Variants in PSTPIP2 observed in about 807,000 individuals in gnomAD.
PSTPIP2 encodes proline-serine-threonine phosphatase-interacting protein 2.
PSTPIP2 carries 33 observed loss-of-function variants against 63.3 expected under a neutral mutation model. The observed-to-expected ratio is 0.52, with a 90% CI of 0.40 to 0.70. The LOEUF (loss-of-function observed/expected upper bound fraction) is 0.70. Among genes scored for constraint, PSTPIP2 ranks in the 30% least tolerant of loss-of-function variants. The probability of loss-of-function intolerance (pLI) is 0.00; values close to 1 mark genes in which losing one functional copy is unlikely to be tolerated. For missense variants in PSTPIP2, 312 were observed against 400.7 expected (o/e 0.78, Z 1.89); for synonymous variants, 125 against 132.7 (o/e 0.94, Z 0.40).
At chr18:45,988,292 G>GGTTGTGGT (rs1555685988) in intron 14 of PSTPIP2, among the ~76,000 whole-genome samples, 4 of 112,498 alleles carry the variant, frequency 3.6e-5, no homozygotes, top group African/African-American at 9.9e-5. Context: ...AATATTAGCT[G>GGTTGTGGT]GGTGTGGTGG....
chr18:46,000,593 C>G (rs2144070404), intron 6 of PSTPIP2, among the ~76,000 whole-genome samples: 1 of 152,330 alleles, frequency 6.6e-6, no homozygotes, highest in East Asian at 1.9e-4. Flanking sequence ...GTCTCGAACT[C>G]CTGACCTCAG....
chr18:46,030,264 T>C (rs1283937427), intron 2 of PSTPIP2, among the ~76,000 whole-genome samples: 2 of 152,212 alleles, frequency 1.3e-5, no homozygotes, highest in South Asian at 2.1e-4. Flanking sequence ...TCTCAGAAAC[T>C]TTCCTGAATG....
chr18:46,057,119 C>T (rs1599746402), intron 1 of PSTPIP2, among the ~76,000 whole-genome samples: 2 of 151,810 alleles, frequency 1.3e-5, no homozygotes, highest in Non-Finnish European at 2.9e-5. Context: ...AAAAAAACTA[C>T]TGAGGGTTTT....
At position 45,985,436 on chromosome 18, in the gene PSTPIP2, A is replaced by G; in HGVS notation, c.*23T>C. On this transcript the variant is annotated 3_prime_UTR_variant, in exon 15 of 15. Coordinates refer to ENST00000409746, the MANE Select transcript of PSTPIP2 (RefSeq NM_024430.4). ...TCCATATCACAGAAGCACTAGCCGG[A>G]AAAAGCTCTGGTTTCTGAAAGAAAA... is the stretch of plus-strand genomic sequence containing the variant. The G allele has an allele frequency of 6.2e-7, 1 of 1,613,480 alleles. No individual in the cohort carries two copies. The highest frequency in any genetic ancestry group is 8.5e-7 in the Non-Finnish European group (1 of 1,179,804).
chr18:46,035,335 G>T (rs1467398147), intron 2 of PSTPIP2, among the ~76,000 whole-genome samples: 1 of 151,374 alleles, frequency 6.6e-6, no homozygotes, highest in Non-Finnish European at 1.5e-5. Context: ...TGTGAGAATT[G>T]TCTGAACCCG....
At chr18:45,997,348 C>T (rs1294568604) in intron 9 of PSTPIP2, among the ~76,000 whole-genome samples, 1 of 151,912 alleles carries the variant, frequency 6.6e-6, no homozygotes, top group Non-Finnish European at 1.5e-5. Flanking sequence ...GCCACCACAC[C>T]CGGCTAATTT....
At chr18:45,992,648 A>G (rs1018133428) in intron 10 of PSTPIP2, among the ~76,000 whole-genome samples, 1 of 152,072 alleles carries the variant, frequency 6.6e-6, no homozygotes. Flanking sequence ...AAAAAAGAAC[A>G]CATTCCAAAG....
At chr18:46,034,149 TG>T (rs1390202913) in intron 2 of PSTPIP2, among the ~76,000 whole-genome samples, 1 of 152,062 alleles carries the variant, frequency 6.6e-6, no homozygotes, top group Admixed American at 6.6e-5. Context: ...AGGTTGACCA[TG>T]GGACGTACAG....
At chr18:46,035,144 G>A (rs558480431) in intron 2 of PSTPIP2, among the ~76,000 whole-genome samples, 1 of 152,148 alleles carries the variant, frequency 6.6e-6, no homozygotes, top group Non-Finnish European at 1.5e-5. Flanking sequence ...AAATAAGGTC[G>A]GGCATGGTGG....
intron 2 of PSTPIP2, among the ~76,000 whole-genome samples, chr18:46,034,111 G>A (rs1907882017): frequency 6.6e-6 from 1 of 152,158 alleles, no homozygotes; most frequent in South Asian, 2.1e-4. Context: ...CACAGTGAGG[G>A]TCCCGGAAAC....
intron 1 of PSTPIP2, among the ~76,000 whole-genome samples, chr18:46,044,492 T>C (rs1247119066): frequency 6.6e-6 from 1 of 152,182 alleles, no homozygotes; most frequent in Non-Finnish European, 1.5e-5. Flanking sequence ...CCTTACACCT[T>C]ATACAAAAAT....
At chr18:45,997,721 G>T in intron 9 of PSTPIP2, 28 bp downstream of exon 9, 6 of 239,168 alleles carry the variant, frequency 2.5e-5, no homozygotes, top group Non-Finnish European at 3.8e-5. Context: ...ACCCACCCCA[G>T]TCCTGAGCAG....
At chr18:46,065,246 C>T (rs1252296906) in intron 1 of PSTPIP2, among the ~76,000 whole-genome samples, 1 of 150,212 alleles carries the variant, frequency 6.7e-6, no homozygotes, top group Non-Finnish European at 1.5e-5. Context: ...CAAAACTTTT[C>T]TAAATAATTG....
intron 1 of PSTPIP2, among the ~76,000 whole-genome samples, chr18:46,062,721 T>G (rs1909035316): frequency 6.6e-6 from 1 of 152,048 alleles, no homozygotes; most frequent in Non-Finnish European, 1.5e-5. Flanking sequence ...TTCACCGTGT[T>G]AGCCAGGAAG....
At chr18:46,071,140 C>T (rs1182801206) in intron 1 of PSTPIP2, among the ~76,000 whole-genome samples, 1 of 152,098 alleles carries the variant, frequency 6.6e-6, no homozygotes, top group African/African-American at 2.4e-5. Flanking sequence ...TCAACTGTGT[C>T]CCTGAGGTCC....
chr18:46,063,778 C>A (rs930344227), intron 1 of PSTPIP2, among the ~76,000 whole-genome samples: 1 of 151,998 alleles, frequency 6.6e-6, no homozygotes, highest in African/African-American at 2.4e-5. Context: ...GTGATAAAAA[C>A]GCAAATGAAA....
intron 11 of PSTPIP2, 40 bp downstream of exon 11, chr18:45,992,066 A>C: frequency 6.3e-7 from 1 of 1,595,160 alleles, no homozygotes; most frequent in Non-Finnish European, 8.6e-7. Context: ...GGCTAATAGA[A>C]TTGTGTAAAT....
intron 3 of PSTPIP2, chr18:46,016,350 C>T (rs1209219024): frequency 1.2e-5 from 2 of 165,890 alleles, no homozygotes; most frequent in Admixed American, 5.8e-5. Flanking sequence ...CGCAACAGAG[C>T]AAAACTCCAT....
chr18:46,004,858 G>A (rs987091364), intron 6 of PSTPIP2, among the ~76,000 whole-genome samples: 2 of 152,040 alleles, frequency 1.3e-5, no homozygotes, highest in African/African-American at 4.8e-5. Context: ...CCCATTACTG[G>A]GTATACACCC....
Sources: allele counts gnomAD v4.1 joint callset (sites outside exome capture counted in the v4.1 genomes callset), GRCh38; gene constraint gnomAD v4.1.1; transcripts MANE v1.5; gene names NCBI Gene and HGNC (gene_info 2026-07-23, HGNC 2026-07-21).